The following DOP1B variants were observed in gnomAD, a reference collection of about 807,000 sequenced individuals.
DOP1B encodes the protein protein DOP1B.
A neutral mutation model predicts 233.5 loss-of-function variants in DOP1B; 174 were observed. That is an observed-to-expected ratio of 0.75 (90% CI 0.66 to 0.85). The LOEUF (loss-of-function observed/expected upper bound fraction) is 0.85. Ranked by LOEUF, DOP1B falls within the 40% of genes least tolerant of loss-of-function variation. The pLI is 0.00. For missense variants in DOP1B, 2,652 were observed against 2,846.6 expected (o/e 0.93, Z 1.56); for synonymous variants, 1,190 against 1,185.6 (o/e 1.00, Z -0.08).
intron 27 of DOP1B, among the ~76,000 whole-genome samples, chr21:36,276,390 G>T (rs1321180022): frequency 3.3e-5 from 5 of 151,948 alleles, no homozygotes; most frequent in African/African-American, 1.2e-4. Context: ...AATTACCTGG[G>T]CGTGGTGATG....
chr21:36,221,595 G>A (rs2066623425), intron 10 of DOP1B, among the ~76,000 whole-genome samples: 1 of 152,042 alleles, frequency 6.6e-6, no homozygotes, highest in African/African-American at 2.4e-5. Context: ...GTTTGCTTTT[G>A]AGACAGAGTC....
At chr21:36,227,662 T>C (rs780951187) in intron 12 of DOP1B, 24 bp from the exon 13 acceptor site, 10 of 1,475,242 alleles carry the variant, frequency 6.8e-6, no homozygotes, top group Non-Finnish European at 9.1e-6. Context: ...CATTGTGGGG[T>C]TAACCTACAC....
At chr21:36,173,397 A>G (rs572932858) in intron 2 of DOP1B, among the ~76,000 whole-genome samples, 1 of 149,564 alleles carries the variant, frequency 6.7e-6, no homozygotes, top group South Asian at 2.1e-4. Flanking sequence ...CATTTTTAGA[A>G]TTTTTCTGTG....
At chr21:36,176,087 G>GGTGTGTGTGCGTGTGCGTAT (rs1555886127) in intron 2 of DOP1B, among the ~76,000 whole-genome samples, 2 of 96,534 alleles carry the variant, frequency 2.1e-5, no homozygotes, top group Non-Finnish European at 4.9e-5. Context: ...TCGACTTTGG[G>GGTGTGTGTGCGTGTGCGTAT]GTGTGTGTGC....
chr21:36,219,343 G>T, intron 9 of DOP1B, 29 bp from the exon 10 acceptor site: 8 of 1,613,990 alleles, frequency 5.0e-6, no homozygotes, highest in Non-Finnish European at 6.8e-6. Flanking sequence ...TTGTTAATCT[G>T]TCTCTGACCA....
rs759998080 is a variant in DOP1B, at chr21:36,208,780, G to A, written c.557G>A (p.Trp186Ter). 3.7e-6 allele frequency: 6 copies of A among 1,612,740 alleles called. No individual in the cohort carries two copies. The highest frequency in any genetic ancestry group is 2.7e-5 in the African/African-American group (2 of 74,870). Residue 186 changes from tryptophan (W) to a stop codon, truncating the protein, a stop_gained, in exon 5 of 37, where the codon TGG (tryptophan) becomes TAG (stop). Transcript: ENST00000691173. LOFTEE classifies it high-confidence loss of function. Reference sequence around the variant, plus strand: ...AAAGAGGTGTTTTACACCGCCCTCTGGGGGAGCGTCCTGGCCAGCCCGTCC... The same window carrying A: ...AAAGAGGTGTTTTACACCGCCCTCTAGGGGAGCGTCCTGGCCAGCCCGTCC... ...VGKEVFYTAL[W>*]GSVLASPSIR...
At chr21:36,279,531 G>A (rs2067391981) in intron 30 of DOP1B, among the ~76,000 whole-genome samples, 1 of 152,168 alleles carries the variant, frequency 6.6e-6, no homozygotes, top group Non-Finnish European at 1.5e-5. Flanking sequence ...ATGAAAGCAT[G>A]GCCACCCCCA....
intron 23 of DOP1B, among the ~76,000 whole-genome samples, chr21:36,258,754 C>A (rs2067136157): frequency 6.6e-6 from 1 of 152,196 alleles, no homozygotes; most frequent in African/African-American, 2.4e-5. Flanking sequence ...TTCCTGCCCT[C>A]AGTCCTCCTA....
intron 5 of DOP1B, among the ~76,000 whole-genome samples, chr21:36,210,681 G>C (rs977681728): frequency 6.6e-6 from 1 of 151,828 alleles, no homozygotes; most frequent in Admixed American, 6.6e-5. Context: ...GCATGGTGGC[G>C]GGCACCTATA....
At chr21:36,237,534 A>ACTGGGGCTGAGTGGAC in intron 16 of DOP1B, 120 bp downstream of exon 16, 1 of 1,294,806 alleles carries the variant, frequency 7.7e-7, no homozygotes, top group Non-Finnish European at 1.1e-6. Context: ...CATCGTGATT[A>ACTGGGGCTGAGTGGAC]ATAAAATAAG....
intron 32 of DOP1B, among the ~76,000 whole-genome samples, chr21:36,285,216 T>C (rs2146254308): frequency 6.6e-6 from 1 of 152,104 alleles, no homozygotes; most frequent in Admixed American, 6.6e-5. Context: ...CCCACCACCA[T>C]GCCTGGCTTA....
chr21:36,276,288 A>C (rs2067348435), intron 27 of DOP1B, among the ~76,000 whole-genome samples: 1 of 152,062 alleles, frequency 6.6e-6, no homozygotes, highest in African/African-American at 2.4e-5. Context: ...CCTAGCACTT[A>C]GGGAGGCCAA....
chr21:36,278,203 A>G lies in DOP1B; in HGVS notation c.5823-6A>G, dbSNP rs531562981. On this transcript the variant is annotated splice_region_variant and splice_polypyrimidine_tract_variant and intron_variant, in intron 29 of 36. Coordinates refer to ENST00000691173, the MANE Select transcript of DOP1B (RefSeq NM_001320714.2). ...TTGACCCTTCTCTCTTCCCACTCCC[A>G]CTCAGTGCCTACAATGCTCCCAGCT... The G allele has an allele frequency of 1.2e-6, 2 of 1,613,588 alleles. No individual in the cohort carries two copies. Among genetic ancestry groups the G allele is most frequent in the African/African-American group, 1.3e-5 (1 of 74,922 alleles).
At chr21:36,168,241 G>A (rs560030940) in intron 2 of DOP1B, among the ~76,000 whole-genome samples, 57 of 152,170 alleles carry the variant, frequency 3.7e-4, no homozygotes, top group African/African-American at 1.3e-3. Flanking sequence ...ACCGCGCCGA[G>A]CCACATTTTT....
intron 26 of DOP1B, among the ~76,000 whole-genome samples, chr21:36,267,853 G>C (rs202056340): frequency 6.6e-6 from 1 of 151,988 alleles, no homozygotes; most frequent in East Asian, 1.9e-4. Context: ...TTTTATTAAG[G>C]GTTTCAAAAG....
intron 2 of DOP1B, among the ~76,000 whole-genome samples, chr21:36,165,604 G>A (rs574447193): frequency 6.6e-6 from 1 of 152,242 alleles, no homozygotes; most frequent in Admixed American, 6.5e-5. Flanking sequence ...GAGCATTACT[G>A]CTTGGGCTCT....
chr21:36,237,229 G>C (rs747206015), intron 15 of DOP1B, 33 bp from the exon 16 acceptor site: 1 of 1,613,874 alleles, frequency 6.2e-7, no homozygotes, highest in Admixed American at 1.7e-5. Flanking sequence ...GTGTTGACCT[G>C]GTCCCCCACC....
At chr21:36,169,884 G>C in intron 2 of DOP1B, 2 of 804,574 alleles carry the variant, frequency 2.5e-6, no homozygotes, top group Non-Finnish European at 4.5e-6. Flanking sequence ...TGAAGGTCCG[G>C]AGGCCTCAAG....
rs2123371635 is a variant in DOP1B, at chr21:36,156,829, C to T, written c.-141C>T. On this transcript the variant is annotated 5_prime_UTR_variant, in exon 1 of 37. Coordinates refer to ENST00000691173, the MANE Select transcript of DOP1B (RefSeq NM_001320714.2). ...CGCTGCCGCTGGTTCTCCGGCTCTTCCTCGGCGGTTCTGGCTCCCGGCCGC... is the reference window on the plus strand; with the variant it reads ...CGCTGCCGCTGGTTCTCCGGCTCTTTCTCGGCGGTTCTGGCTCCCGGCCGC... 1 of 152,756 alleles carries T rather than the reference C, an allele frequency of 6.5e-6. No homozygotes were observed. Among genetic ancestry groups the T allele is most frequent in the Non-Finnish European group, 1.5e-5 (1 of 68,226 alleles). The allele number at this position is 152,756 out of a possible 1,614,324, so 9.5% of individuals were successfully genotyped here.
Sources: gnomAD v4.1 joint callset for allele counts (sites outside exome capture counted in the v4.1 genomes callset) on GRCh38, gnomAD v4.1.1 for gene constraint, MANE v1.5 for transcripts, NCBI Gene and HGNC (gene_info 2026-07-23, HGNC 2026-07-21) for gene names.